CELF1: variants seen among roughly 807,000 people sequenced by gnomAD.
CELF1 encodes the protein 50 kDa nuclear polyadenylated RNA-binding protein.
CELF1 carries 10 observed loss-of-function variants against 61.8 expected under a neutral mutation model. The ratio of observed to expected loss-of-function variants is 0.16; its 90% CI spans 0.10 to 0.27. CELF1 has a LOEUF of 0.27. Ranked by LOEUF, CELF1 falls within the 10% of genes least tolerant of loss-of-function variation. The pLI is 1.00. For synonymous variants in CELF1, 236 were observed against 225.1 expected (o/e 1.05, Z -0.43); for missense variants, 380 against 639.1 (o/e 0.59, Z 4.37).
At chr11:47,551,039 T>A (rs990913190) in intron 1 of CELF1, among the ~76,000 whole-genome samples, 3 of 146,686 alleles carry the variant, frequency 2.0e-5, no homozygotes, top group African/African-American at 7.5e-5. Flanking sequence ...TGATATTGTT[T>A]AAAAAAAAAA....
At chr11:47,502,828 T>C (rs2094090420) in intron 1 of CELF1, among the ~76,000 whole-genome samples, 1 of 151,814 alleles carries the variant, frequency 6.6e-6, no homozygotes, top group African/African-American at 2.4e-5. Flanking sequence ...TGAGACTCTG[T>C]CTCAAAAAAA....
At chr11:47,564,051 G>A (rs1323891341) in intron 2 of CELF1, among the ~76,000 whole-genome samples, 1 of 149,582 alleles carries the variant, frequency 6.7e-6, no homozygotes, top group Non-Finnish European at 1.5e-5. Context: ...CTTGGGCCGG[G>A]CGTGTGGCTC....
chr11:47,525,755 G>A (rs139298313), intron 1 of CELF1, among the ~76,000 whole-genome samples: 47 of 152,232 alleles, frequency 3.1e-4, no homozygotes, highest in African/African-American at 5.3e-4. Context: ...GCACTAAAGC[G>A]TGGGGTACAA....
chr11:47,522,296 C>T (rs1278577359), intron 1 of CELF1, among the ~76,000 whole-genome samples: 81 of 147,424 alleles, frequency 5.5e-4, no homozygotes, highest in Middle Eastern at 4.0e-3. Context: ...GAGGCCAAGG[C>T]AGGTGGATCA....
intron 6 of CELF1, 52 bp downstream of exon 6, chr11:47,486,698 G>A (rs1194406952): frequency 1.8e-5 from 26 of 1,452,502 alleles, no homozygotes; most frequent in South Asian, 5.7e-5. Context: ...GTGAGCCACC[G>A]TGCCTGGCCT....
At chr11:47,546,464 C>T (rs1387211508) in intron 1 of CELF1, among the ~76,000 whole-genome samples, 21 of 152,026 alleles carry the variant, frequency 1.4e-4, no homozygotes, top group Admixed American at 1.3e-3. Flanking sequence ...CGGGGTTTCT[C>T]AGATGATCCG....
At chr11:47,489,955 T>TTTTTTTTTTTTTTTTTTTTTTTTTTTG (rs71042675) in intron 3 of CELF1, among the ~76,000 whole-genome samples, 1 of 141,284 alleles carries the variant, frequency 7.1e-6, no homozygotes. Context: ...TTTTTTTTTT[T>TTTTTTTTTTTTTTTTTTTTTTTTTTTG]GAGACGGAAT....
intron 3 of CELF1, among the ~76,000 whole-genome samples, chr11:47,496,551 A>G (rs2093129524): frequency 6.6e-6 from 1 of 152,252 alleles, no homozygotes; most frequent in South Asian, 2.1e-4. Context: ...AAGTTCTATG[A>G]AAGAAGTGGC....
chr11:47,545,417 C>A (rs990633345), intron 1 of CELF1, among the ~76,000 whole-genome samples: 1 of 152,016 alleles, frequency 6.6e-6, no homozygotes, highest in Non-Finnish European at 1.5e-5. Context: ...GGCGACAGAG[C>A]GGGACTCTGT....
At chr11:47,546,456 G>T (rs1278112771) in intron 1 of CELF1, among the ~76,000 whole-genome samples, 1 of 151,780 alleles carries the variant, frequency 6.6e-6, no homozygotes, top group African/African-American at 2.4e-5. Flanking sequence ...GGCAGAGACG[G>T]GGTTTCTCAG....
intron 2 of CELF1, among the ~76,000 whole-genome samples, chr11:47,558,617 AATATAAT>A (rs2097214573): frequency 9.2e-6 from 1 of 109,142 alleles, no homozygotes; most frequent in Non-Finnish European, 1.6e-5. Flanking sequence ...AAATATGTGC[AATATAAT>A]ATATAATATA....
At chr11:47,473,307 C>T (rs2078477115) in intron 13 of CELF1, 76 bp from the exon 14 acceptor site, 1 of 1,362,786 alleles carries the variant, frequency 7.3e-7, no homozygotes, top group Non-Finnish European at 1.0e-6. Context: ...TCTTTCATTT[C>T]CACCTATGTT....
At chr11:47,509,836 G>T (rs993463734) in intron 1 of CELF1, among the ~76,000 whole-genome samples, 2 of 150,950 alleles carry the variant, frequency 1.3e-5, no homozygotes, top group African/African-American at 4.9e-5. Flanking sequence ...AGACCAGTCT[G>T]GCCAACACGG....
chr11:47,493,004 C>T (rs540242213), intron 3 of CELF1, among the ~76,000 whole-genome samples: 2 of 152,218 alleles, frequency 1.3e-5, no homozygotes, highest in South Asian at 4.2e-4. Flanking sequence ...TGTTTGTGTG[C>T]CAATTCTGAA....
intron 1 of CELF1, among the ~76,000 whole-genome samples, chr11:47,528,890 C>CAAA (rs112934426): frequency 2.1e-5 from 3 of 140,960 alleles, no homozygotes; most frequent in Admixed American, 2.1e-4. Context: ...GACCCTGCCT[C>CAAA]AAAAAAAAAA....
intron 1 of CELF1, among the ~76,000 whole-genome samples, chr11:47,549,151 T>C (rs1045937617): frequency 6.6e-6 from 1 of 152,004 alleles, no homozygotes; most frequent in Non-Finnish European, 1.5e-5. Context: ...CCTTGTGTAC[T>C]ACTGGCAAGA....
rs897963358 is a variant in CELF1, at chr11:47,553,044, A to AGCC, written c.-209_-207dup. The stretch of plus-strand genomic sequence containing the variant: ...CCTCAGTTGCTGCCTGCGCCTCCGC[A>AGCC]GCCGCCGCCGCCGCCTCGCTGCTGA... On this transcript the variant is annotated 5_prime_UTR_variant, in exon 1 of 15. Coordinates refer to ENST00000687097, the MANE Select transcript of CELF1 (RefSeq NM_001376376.1). 15 of 399,272 alleles carry AGCC rather than the reference A, an allele frequency of 3.8e-5. No individual in the cohort carries two copies. In the South Asian group the frequency reaches 6.2e-4, roughly 16 times the overall value. 24.7% of individuals were successfully genotyped at this position (399,272 alleles called of 1,614,324 possible). A position where few individuals can be genotyped will look rare whatever the true frequency, so the allele number is the denominator to read the frequency against.
At chr11:47,474,215 C>A (rs1481889035) in intron 13 of CELF1, among the ~76,000 whole-genome samples, 1 of 152,188 alleles carries the variant, frequency 6.6e-6, no homozygotes, top group Non-Finnish European at 1.5e-5. Flanking sequence ...GATTTTCTAA[C>A]CAAAAAGCTT....
intron 3 of CELF1, among the ~76,000 whole-genome samples, chr11:47,490,418 C>A (rs949657629): frequency 1.3e-5 from 2 of 148,534 alleles, no homozygotes; most frequent in African/African-American, 5.0e-5. Flanking sequence ...TCCCAAACAA[C>A]ATGCTAGTTT....
Sources: allele counts gnomAD v4.1 joint callset (sites outside exome capture counted in the v4.1 genomes callset), GRCh38; gene constraint gnomAD v4.1.1; transcripts MANE v1.5; gene names NCBI Gene and HGNC (gene_info 2026-07-23, HGNC 2026-07-21).